Variants in ZNF354B observed in about 807,000 individuals in gnomAD.
ZNF354B encodes the protein zinc finger protein 354B.
ZNF354B carries 10 observed loss-of-function variants against 12.9 expected under a neutral mutation model. The observed-to-expected ratio is 0.77, with a 90% CI of 0.48 to 1.31. ZNF354B has a LOEUF of 1.31. Among genes scored for constraint, ZNF354B ranks in the 40% most tolerant of loss-of-function variants. ZNF354B has a pLI of 0.00. For synonymous variants in ZNF354B, 260 were observed against 243.7 expected, an observed-to-expected ratio of 1.07 and a Z score of -0.62; for missense variants, 614 against 711.7, an observed-to-expected ratio of 0.86 and a Z score of 1.56.
At chr5:178,861,849 A>C (rs893487862) in intron 2 of ZNF354B, among the ~76,000 whole-genome samples, 1 of 152,148 alleles carries the variant, frequency 6.6e-6, no homozygotes, top group Admixed American at 6.5e-5. Context: ...CTCACCTGTA[A>C]AATGGGAATA....
chr5:178,866,449 G>T, intron 3 of ZNF354B, 79 bp downstream of exon 3: 1 of 1,530,268 alleles, frequency 6.5e-7, no homozygotes, highest in South Asian at 1.3e-5. Context: ...AAAAGCAGTT[G>T]ATCACTGAAA....
chr5:178,866,865 C>T (rs1202035054), intron 3 of ZNF354B, 111 bp from the exon 4 acceptor site: 5 of 965,592 alleles, frequency 5.2e-6, no homozygotes, highest in South Asian at 1.6e-5. Context: ...TTACATCATA[C>T]ATGCAACATT....
intron 4 of ZNF354B, among the ~76,000 whole-genome samples, chr5:178,878,397 A>AG (rs1331811505): frequency 1.0e-3 from 158 of 151,838 alleles, no homozygotes; most frequent in African/African-American, 2.9e-3. Context: ...AAAAAAAAAA[A>AG]AGTTACAGTT....
chr5:178,866,933 A>T (rs537329093), intron 3 of ZNF354B, 43 bp from the exon 4 acceptor site: 1 of 1,593,776 alleles, frequency 6.3e-7, no homozygotes, highest in South Asian at 1.1e-5. Flanking sequence ...GTTGTGTCAA[A>T]ACGAAGACTG....
At chr5:178,871,296 G>C (rs1757560823) in intron 4 of ZNF354B, among the ~76,000 whole-genome samples, 1 of 152,140 alleles carries the variant, frequency 6.6e-6, no homozygotes, top group Non-Finnish European at 1.5e-5. Context: ...GGGGGGCCAA[G>C]CAGGCCCCCA....
intron 4 of ZNF354B, among the ~76,000 whole-genome samples, chr5:178,872,361 A>T (rs371654259): frequency 1.3e-5 from 2 of 152,230 alleles, no homozygotes; most frequent in South Asian, 2.1e-4. Flanking sequence ...TCCATAGAGT[A>T]TATCATAGTT....
chr5:178,882,602 A>T, intron 4 of ZNF354B, 107 bp from the exon 5 acceptor site: 1 of 1,119,828 alleles, frequency 8.9e-7, no homozygotes, highest in South Asian at 2.2e-5. Context: ...ATCCTCTTTT[A>T]GTCATATAGC....
chr5:178,883,485 CAG>C lies in ZNF354B; in HGVS notation c.1035_1036del (p.Lys346AsnfsTer11). ...TTACAGCACTTCCCTTTCTGGAAGTCAGAAAATTCATCTCAGAAAGAAGTCCT... is the reference window on the plus strand; with the variant it reads ...TTACAGCACTTCCCTTTCTGGAAGTCAAAATTCATCTCAGAAAGAAGTCCT... ...SSYSTSLSGS[Q>X]KIHLRKKSYL... is the part of the protein sequence containing the mutation. On this transcript the variant is annotated frameshift_variant, in exon 5 of 5. Transcript: ENST00000322434. LOFTEE classifies it high-confidence loss of function. 6.2e-7 allele frequency: 1 copy of C among 1,614,104 alleles called. No homozygotes were observed. The highest frequency in any genetic ancestry group is 1.3e-5 in the African/African-American group (1 of 75,050).
At chr5:178,869,800 C>G (rs941460153) in intron 4 of ZNF354B, among the ~76,000 whole-genome samples, 1 of 152,072 alleles carries the variant, frequency 6.6e-6, no homozygotes, top group Non-Finnish European at 1.5e-5. Context: ...GGATGACCTT[C>G]GTCCTCCTTT....
intron 3 of ZNF354B, among the ~76,000 whole-genome samples, 189 bp from the exon 4 acceptor site, chr5:178,866,782 CATACG>C (rs953561433): frequency 1.3e-5 from 2 of 152,132 alleles, no homozygotes; most frequent in Non-Finnish European, 2.9e-5. Flanking sequence ...AAAAGGGAAT[CATACG>C]ATGTTTTCTC....
At chr5:178,874,741 C>T (rs1757611703) in intron 4 of ZNF354B, among the ~76,000 whole-genome samples, 1 of 152,128 alleles carries the variant, frequency 6.6e-6, no homozygotes, top group Non-Finnish European at 1.5e-5. Flanking sequence ...TCTGTCATTT[C>T]AGCCGCTTAG....
At chr5:178,879,614 T>C (rs1366579678) in intron 4 of ZNF354B, among the ~76,000 whole-genome samples, 1 of 150,058 alleles carries the variant, frequency 6.7e-6, no homozygotes. Context: ...CCTGACCTCC[T>C]GTGATCTGCC....
Position 178,866,977 on chromosome 5 carries a change from ACT to A in ZNF354B, c.166_167del (p.Ser56IlefsTer32), listed in dbSNP as rs767498620. On this transcript the variant is annotated frameshift_variant and splice_region_variant, in exon 4 of 5. Coordinates refer to ENST00000322434, the MANE Select transcript of ZNF354B (RefSeq NM_058230.3). LOFTEE classifies it high-confidence loss of function. The stretch of plus-strand genomic sequence containing the variant: ...GTTGTTGTTGTTGTTTATGTGCAGG[ACT>A]CTCATTTACCAAACCAAAAGTCATC... ...ENYRNLVSLG[L>X]SFTKPKVISL... 1 of 1,613,442 alleles carries A rather than the reference ACT, an allele frequency of 6.2e-7. No homozygotes were observed. Among genetic ancestry groups the A allele is most frequent in the African/African-American group, 1.3e-5 (1 of 74,866 alleles).
intron 2 of ZNF354B, among the ~76,000 whole-genome samples, chr5:178,864,414 AG>A (rs1199362063): frequency 6.6e-6 from 1 of 152,164 alleles, no homozygotes; most frequent in Non-Finnish European, 1.5e-5. Flanking sequence ...CATACCATCC[AG>A]GTTTCTCTCT....
chr5:178,883,452 G>T lies in ZNF354B; in HGVS notation c.1000G>T (p.Ala334Ser). 1 of 1,614,038 alleles carries T rather than the reference G, an allele frequency of 6.2e-7. No individual in the cohort carries two copies. The highest frequency in any genetic ancestry group is 8.5e-7 in the Non-Finnish European group (1 of 1,179,950). Residue 334 changes from alanine to serine, a missense_variant, in exon 5 of 5, where the codon GCA becomes TCA. Physicochemically the swap from Ala to Ser is moderately conservative, Grantham distance 99. Coordinates refer to ENST00000322434, the MANE Select transcript of ZNF354B (RefSeq NM_058230.3). Reference protein sequence around the residue: ...NPHKYNPGRKASSYSTSLSGS... With the variant: ...NPHKYNPGRKSSSYSTSLSGS... ...CCATAAATACAATCCAGGCAGGAAGGCATCCAGTTACAGCACTTCCCTTTC... is the reference window on the plus strand; with the variant it reads ...CCATAAATACAATCCAGGCAGGAAGTCATCCAGTTACAGCACTTCCCTTTC...
At chr5:178,881,326 C>A (rs1561671270) in intron 4 of ZNF354B, among the ~76,000 whole-genome samples, 1 of 151,538 alleles carries the variant, frequency 6.6e-6, no homozygotes, top group Non-Finnish European at 1.5e-5. Flanking sequence ...TTCCACAATG[C>A]ACAGGGCAGC....
chr5:178,863,622 C>T (rs2114006586), intron 2 of ZNF354B, among the ~76,000 whole-genome samples: 1 of 152,330 alleles, frequency 6.6e-6, no homozygotes. Context: ...TGTTATTTTA[C>T]AGTGTCTTCC....
Position 178,864,763 on chromosome 5 carries a change from C to T in ZNF354B, c.34-1481C>T, listed in dbSNP as rs987398144. The stretch of plus-strand genomic sequence containing the variant: ...TCAACCTCCCGAGTAGCTGGGATTA[C>T]AGGCACATGCCACCACGCCCGGCTA... On this transcript the variant is annotated intron_variant, in intron 2 of 4. Coordinates refer to ENST00000322434, the MANE Select transcript of ZNF354B (RefSeq NM_058230.3). Among the ~76,000 whole-genome samples, 65 of 152,064 alleles carry T rather than the reference C, an allele frequency of 4.3e-4. 1 individual carries two copies. Among genetic ancestry groups the T allele is most frequent in the African/African-American group, 1.3e-3 (54 of 41,482 alleles).
intron 2 of ZNF354B, among the ~76,000 whole-genome samples, chr5:178,865,491 T>C (rs1348945257): frequency 1.3e-5 from 2 of 152,074 alleles, no homozygotes; most frequent in African/African-American, 2.4e-5. Context: ...ATGGTCTCGA[T>C]CTCTTGACCT....
Sources: gnomAD v4.1 joint callset for allele counts (sites outside exome capture counted in the v4.1 genomes callset) on GRCh38, gnomAD v4.1.1 for gene constraint, MANE v1.5 for transcripts, NCBI Gene and HGNC (gene_info 2026-07-23, HGNC 2026-07-21) for gene names.